LAMA2: variants seen among roughly 807,000 people sequenced by gnomAD.
LAMA2 encodes laminin subunit alpha-2.
LAMA2 carries 269 observed loss-of-function variants against 364.8 expected under a neutral mutation model. The observed-to-expected ratio is 0.74, with a 90% CI of 0.67 to 0.82. The LOEUF is 0.82. Among genes scored for constraint, LAMA2 ranks in the 40% least tolerant of loss-of-function variants. The probability of loss-of-function intolerance (pLI) is 0.00; values close to 1 mark genes in which losing one functional copy is unlikely to be tolerated. For missense variants in LAMA2, 3,807 were observed against 3,873.2 expected (o/e 0.98, Z 0.45); for synonymous variants, 1,379 against 1,370.6 (o/e 1.01, Z -0.14).
intron 12 of LAMA2, among the ~76,000 whole-genome samples, chr6:129,232,858 G>A (rs1241155404): frequency 6.6e-6 from 1 of 152,152 alleles, no homozygotes; most frequent in Non-Finnish European, 1.5e-5. Context: ...AACAATGGAA[G>A]AAGAGGAAGG....
At chr6:129,277,541 A>G in intron 17 of LAMA2, among the ~76,000 whole-genome samples, 1 of 152,182 alleles carries the variant, frequency 6.6e-6, no homozygotes, top group East Asian at 1.9e-4. Flanking sequence ...CTATATTACT[A>G]GAAACTTAAA....
At chr6:128,883,503 C>A in intron 1 of LAMA2, 146 bp downstream of exon 1, 1 of 1,290,056 alleles carries the variant, frequency 7.8e-7, no homozygotes, top group Non-Finnish European at 1.1e-6. Flanking sequence ...GAACTTGAAG[C>A]AAGTTCAAGT....
chr6:128,896,129 T>A (rs1776756175), intron 1 of LAMA2, among the ~76,000 whole-genome samples: 1 of 152,174 alleles, frequency 6.6e-6, no homozygotes, highest in South Asian at 2.1e-4. Context: ...TAGTAAGATA[T>A]TTCCAGATTA....
intron 23 of LAMA2, among the ~76,000 whole-genome samples, chr6:129,313,755 A>G (rs2130606): frequency 0.34 from 52,011 of 152,150 alleles, 10,400 homozygotes; most frequent in Non-Finnish European, 0.44. Context: ...GATAAAATCT[A>G]TGCAAAAAGG....
chr6:129,285,794 G>A (rs534572625), intron 18 of LAMA2, among the ~76,000 whole-genome samples: 1 of 152,070 alleles, frequency 6.6e-6, no homozygotes, highest in South Asian at 2.1e-4. Flanking sequence ...GGAATTTTGT[G>A]CACTCAAATT....
chr6:129,257,821 T>C lies in LAMA2; in HGVS notation c.2097-2890T>C, dbSNP rs186610863. On this transcript the variant is annotated intron_variant, in intron 14 of 64. Transcript: ENST00000421865. ...GATAACAGTTTCCATTTATCTTCTATGTCAAATCAAACAAGTAATTTGTCT... is the reference window on the plus strand; with the variant it reads ...GATAACAGTTTCCATTTATCTTCTACGTCAAATCAAACAAGTAATTTGTCT... Among the ~76,000 whole-genome samples, 27 of 152,270 alleles carry C rather than the reference T, an allele frequency of 1.8e-4. No individual in the cohort carries two copies. In the East Asian group the frequency reaches 5.2e-3, roughly 29 times the overall value.
At chr6:129,315,333 C>A in intron 24 of LAMA2, 143 bp from the exon 25 acceptor site, 1 of 696,800 alleles carries the variant, frequency 1.4e-6, no homozygotes, top group East Asian at 2.7e-5. Flanking sequence ...CATGCTTGCC[C>A]ACTGCGTGTG....
intron 12 of LAMA2, among the ~76,000 whole-genome samples, chr6:129,196,736 A>C (rs1191248383): frequency 2.0e-5 from 3 of 152,216 alleles, no homozygotes; most frequent in African/African-American, 7.2e-5. Flanking sequence ...ATGGCTATAA[A>C]AGTAAATAGG....
intron 12 of LAMA2, among the ~76,000 whole-genome samples, chr6:129,225,856 G>A (rs963192484): frequency 1.2e-4 from 18 of 152,246 alleles, no homozygotes; most frequent in Non-Finnish European, 2.1e-4. Flanking sequence ...AGGTCCACTT[G>A]GTGCAGAGCT....
At chr6:129,330,598 G>GTTTGT (rs1775582103) in intron 29 of LAMA2, among the ~76,000 whole-genome samples, 2 of 88,674 alleles carry the variant, frequency 2.3e-5, no homozygotes, top group South Asian at 3.6e-4. Flanking sequence ...TTTGGTTTTT[G>GTTTGT]TTTTTTTTTT....
intron 6 of LAMA2, among the ~76,000 whole-genome samples, chr6:129,148,410 T>G (rs1163795860): frequency 6.6e-6 from 1 of 151,890 alleles, no homozygotes; most frequent in African/African-American, 2.4e-5. Flanking sequence ...GCATGCAGGG[T>G]GCTTTCTATC....
chr6:129,181,382 C>T (rs567134081), intron 10 of LAMA2, among the ~76,000 whole-genome samples: 1 of 151,854 alleles, frequency 6.6e-6, no homozygotes, highest in East Asian at 1.9e-4. Flanking sequence ...ATTCTTATCA[C>T]ATAAATCATA....
intron 58 of LAMA2, among the ~76,000 whole-genome samples, chr6:129,492,694 A>T (rs1784936191): frequency 6.6e-6 from 1 of 152,236 alleles, no homozygotes; most frequent in Non-Finnish European, 1.5e-5. Context: ...TTTTCAGTTG[A>T]AATGTTGGAA....
Position 129,492,411 on chromosome 6 carries a change from A to T in LAMA2, c.8172A>T (p.Pro2724=). ...GTGAAGATGAAGATGGAGCAGCTCC[A>T]GCTGAAATAGTTATCCAGCCTGAGC... is the stretch of plus-strand genomic sequence containing the variant. The part of the protein sequence containing the change: ...KLREDEDGAA[P]AEIVIQPEPV... The change falls in exon 58 of 65, where the codon CCA becomes CCT. Residue 2724 remains proline (P), a synonymous_variant. Transcript: ENST00000421865. The T allele has an allele frequency of 1.4e-5, 23 of 1,614,170 alleles. No individual in the cohort carries two copies. Among genetic ancestry groups the T allele is most frequent in the Non-Finnish European group, 1.9e-5 (23 of 1,179,982 alleles).
intron 1 of LAMA2, among the ~76,000 whole-genome samples, chr6:128,948,114 AT>A (rs755054467): frequency 1.1e-3 from 160 of 152,244 alleles, no homozygotes; most frequent in Non-Finnish European, 1.8e-3. Flanking sequence ...AAGCCAGGTC[AT>A]TAGCCGAAAT....
At chr6:129,320,131 T>TAAAA (rs1774863186) in intron 27 of LAMA2, among the ~76,000 whole-genome samples, 1 of 118,084 alleles carries the variant, frequency 8.5e-6, no homozygotes. Context: ...AGACTCTGTC[T>TAAAA]CAAATAAATA....
chr6:129,163,579 G>A (rs1402832005), intron 8 of LAMA2, among the ~76,000 whole-genome samples: 1 of 152,142 alleles, frequency 6.6e-6, no homozygotes, highest in Non-Finnish European at 1.5e-5. Flanking sequence ...GTTGCAGTGG[G>A]TCAAGCTTGC....
intron 12 of LAMA2, among the ~76,000 whole-genome samples, chr6:129,200,124 G>GTATA (rs374459440): frequency 0.034 from 3,634 of 106,056 alleles, 223 homozygotes; most frequent in South Asian, 0.053. Context: ...ATATATATGT[G>GTATA]TATATATATA....
chr6:129,438,071 G>T (rs1402596954), intron 41 of LAMA2, among the ~76,000 whole-genome samples: 2 of 151,546 alleles, frequency 1.3e-5, no homozygotes, highest in East Asian at 3.9e-4. Context: ...AAAATTTATT[G>T]GACCCAATTT....
Sources: allele counts gnomAD v4.1 joint callset (sites outside exome capture counted in the v4.1 genomes callset), GRCh38; gene constraint gnomAD v4.1.1; transcripts MANE v1.5; gene names NCBI Gene and HGNC (gene_info 2026-07-23, HGNC 2026-07-21).